RBM11: variants seen among roughly 807,000 people sequenced by gnomAD.
The protein encoded by RBM11 is RNA binding motif protein 11.
Under a neutral mutation model 21.4 loss-of-function variants are expected in RBM11, and 18 were observed. The observed-to-expected ratio is 0.84, with a 90% CI of 0.58 to 1.25. The LOEUF (loss-of-function observed/expected upper bound fraction) is 1.25. Ranked by LOEUF, RBM11 falls within the 50% of genes most tolerant of loss-of-function variation. RBM11 has a pLI of 0.00. For missense variants in RBM11, 294 were observed against 331.9 expected (o/e 0.89, Z 0.89); for synonymous variants, 120 against 116.3 (o/e 1.03, Z -0.20).
chr21:14,218,778 ATCAT>A (rs1419958944), intron 1 of RBM11, among the ~76,000 whole-genome samples: 1 of 152,326 alleles, frequency 6.6e-6, no homozygotes, highest in Admixed American at 6.5e-5. Context: ...TCCAATCATT[ATCAT>A]GGCTGTGATG....
At chr21:14,223,978 C>T (rs984376584) in intron 3 of RBM11, among the ~76,000 whole-genome samples, 2 of 152,102 alleles carry the variant, frequency 1.3e-5, no homozygotes, top group Non-Finnish European at 2.9e-5. Flanking sequence ...GACTCTCCAG[C>T]CTGAAGAACC....
chr21:14,224,258 C>CT, intron 3 of RBM11, 180 bp from the exon 4 acceptor site: 2 of 901,594 alleles, frequency 2.2e-6, no homozygotes, highest in Admixed American at 3.1e-5. Context: ...GGATTTAGGA[C>CT]TTTAACAGCT....
At chr21:14,226,762 C>A in intron 4 of RBM11, 118 bp from the exon 5 acceptor site, 1 of 1,389,326 alleles carries the variant, frequency 7.2e-7, no homozygotes, top group Non-Finnish European at 9.7e-7. Context: ...CACTGTCTTT[C>A]TTATACCAAA....
At chr21:14,226,538 G>A (rs544782906) in intron 4 of RBM11, among the ~76,000 whole-genome samples, 1 of 150,872 alleles carries the variant, frequency 6.6e-6, no homozygotes, top group South Asian at 2.1e-4. Context: ...AGAATTGCTT[G>A]AACCCAGGAG....
chr21:14,227,954 T>G lies in RBM11; in HGVS notation c.*661T>G, dbSNP rs1979252838. ...AGGGATACCTTCCTCTTCTCACATA[T>G]TAATTGTATGTCATTAAAATCAGTT... On this transcript the variant is annotated 3_prime_UTR_variant, in exon 5 of 5. Coordinates refer to ENST00000400577, the MANE Select transcript of RBM11 (RefSeq NM_144770.5). 6.6e-6 allele frequency: 1 copy of G among 152,248 alleles called. No individual in the cohort carries two copies. The highest frequency in any genetic ancestry group is 6.5e-5 in the Admixed American group (1 of 15,274). 9.4% of individuals were successfully genotyped at this position (152,248 alleles called of 1,614,324 possible). A position where few individuals can be genotyped will look rare whatever the true frequency, so the allele number is the denominator to read the frequency against.
chr21:14,227,205 C>A lies in RBM11; in HGVS notation c.758C>A (p.Thr253Lys). 1 of 1,613,980 alleles carries A rather than the reference C, an allele frequency of 6.2e-7. No homozygotes were observed. The highest frequency in any genetic ancestry group is 1.7e-5 in the Admixed American group (1 of 60,018). Reference protein sequence around the residue: ...QMNKRKRQKQTSDSDSSTDNN... With the variant: ...QMNKRKRQKQKSDSDSSTDNN... ...AATAAACGAAAGAGACAAAAGCAAA[C>A]AAGTGATAGTGATAGTAGCACAGAC... The change falls in exon 5 of 5, where the codon ACA becomes AAA. Residue 253 changes from threonine to lysine, a missense_variant. Thr to Lys is a moderately conservative substitution (Grantham distance 78). This residue lies in a region of RBM11 where 113 missense variants were observed against 167.3 expected (regional missense o/e 0.68). Transcript: ENST00000400577.
chr21:14,219,512 A>T, intron 1 of RBM11, 51 bp from the exon 2 acceptor site: 2 of 1,334,012 alleles, frequency 1.5e-6, no homozygotes, highest in South Asian at 1.8e-5. Flanking sequence ...TTATTTGAGT[A>T]TAAAAAAAAT....
At chr21:14,222,683 G>A (rs1339176180) in intron 3 of RBM11, among the ~76,000 whole-genome samples, 2 of 152,220 alleles carry the variant, frequency 1.3e-5, no homozygotes, top group African/African-American at 2.4e-5. Flanking sequence ...CTTTATTAAC[G>A]TCAATTAACA....
At chr21:14,226,838 C>T in intron 4 of RBM11, 42 bp from the exon 5 acceptor site, 1 of 1,559,098 alleles carries the variant, frequency 6.4e-7, no homozygotes, top group Non-Finnish European at 8.7e-7. Flanking sequence ...TTTCCTTAAC[C>T]TTTTGGATTT....
intron 1 of RBM11, among the ~76,000 whole-genome samples, chr21:14,217,929 T>G (rs7283293): frequency 0.041 from 6,171 of 152,222 alleles, 400 homozygotes; most frequent in African/African-American, 0.14. Flanking sequence ...ATATATTATC[T>G]TCTCATTCTT....
At chr21:14,226,253 A>G (rs976566146) in intron 4 of RBM11, among the ~76,000 whole-genome samples, 4 of 152,328 alleles carry the variant, frequency 2.6e-5, no homozygotes, top group Admixed American at 1.3e-4. Context: ...AAATGGATAT[A>G]TTGGGATAAA....
rs751113179 is a variant in RBM11 at position 14,224,490 on chromosome 21, A to G, written c.385A>G (p.Ile129Val). The change falls in exon 4 of 5, where the codon ATT becomes GTT. Residue 129 changes from isoleucine to valine, a missense_variant. By Grantham distance (29) the Ile-to-Val change is conservative. Coordinates refer to ENST00000400577, the MANE Select transcript of RBM11 (RefSeq NM_144770.5). ...TTCCTTTCCCATGCAGTATTTTCCA[A>G]TTAATAATACTTCTTTACCTCAAGA... ...RSSFPMQYFPINNTSLPQEYF... is the reference protein window; with the variant it reads ...RSSFPMQYFPVNNTSLPQEYF... 1.2e-5 allele frequency: 19 copies of G among 1,561,720 alleles called. No homozygotes were observed. Among genetic ancestry groups the G allele is most frequent in the Admixed American group, 1.9e-5 (1 of 52,538 alleles).
At chr21:14,225,720 G>A (rs576763145) in intron 4 of RBM11, among the ~76,000 whole-genome samples, 1 of 152,112 alleles carries the variant, frequency 6.6e-6, no homozygotes, top group South Asian at 2.1e-4. Flanking sequence ...GTTCTCGTCT[G>A]AAACTATAAA....
intron 4 of RBM11, among the ~76,000 whole-genome samples, chr21:14,224,923 A>G (rs1978967563): frequency 6.6e-6 from 1 of 152,202 alleles, no homozygotes; most frequent in African/African-American, 2.4e-5. Flanking sequence ...GGTCGAGACC[A>G]GCCTGGCCAA....
intron 4 of RBM11, among the ~76,000 whole-genome samples, chr21:14,225,646 T>C (rs1443084287): frequency 7.3e-6 from 1 of 137,104 alleles, no homozygotes; most frequent in East Asian, 2.1e-4. Context: ...AAATTGATAC[T>C]TTTTAACTTT....
At chr21:14,224,361 TG>T in intron 3 of RBM11, 76 bp from the exon 4 acceptor site, 1 of 1,489,304 alleles carries the variant, frequency 6.7e-7, no homozygotes, top group Non-Finnish European at 8.9e-7. Context: ...GGAAAGATAG[TG>T]GTTTTTCTTA....
chr21:14,222,385 C>T (rs917754027), intron 3 of RBM11, among the ~76,000 whole-genome samples: 2 of 151,998 alleles, frequency 1.3e-5, no homozygotes, highest in Admixed American at 6.6e-5. Flanking sequence ...GAGTGTCATC[C>T]ATACTGCTTT....
At chr21:14,221,308 GC>G in intron 3 of RBM11, 139 bp downstream of exon 3, 1 of 1,067,582 alleles carries the variant, frequency 9.4e-7, no homozygotes, top group Non-Finnish European at 1.2e-6. Flanking sequence ...TTTTTTCCGA[GC>G]CCATGAAAAG....
intron 4 of RBM11, 63 bp downstream of exon 4, chr21:14,224,600 C>T: frequency 6.7e-7 from 1 of 1,488,060 alleles, no homozygotes; most frequent in Non-Finnish European, 8.9e-7. Context: ...AACATAAAGG[C>T]TATTTGTAAC....
Sources: allele counts gnomAD v4.1 joint callset (sites outside exome capture counted in the v4.1 genomes callset), GRCh38; gene constraint gnomAD v4.1.1; regional missense constraint gnomAD v4.1.1; transcripts MANE v1.5; gene names NCBI Gene and HGNC (gene_info 2026-07-23, HGNC 2026-07-21).